Variants in KIRREL3 observed in about 807,000 individuals in gnomAD.
The protein encoded by KIRREL3 is kin of IRRE-like protein 3.
KIRREL3 carries 36 observed loss-of-function variants against 89.7 expected under a neutral mutation model. The observed-to-expected ratio is 0.40, with a 90% CI of 0.31 to 0.53. KIRREL3 has a LOEUF of 0.53. Ranked by LOEUF, KIRREL3 falls within the 20% of genes least tolerant of loss-of-function variation. The pLI, the probability that KIRREL3 is intolerant of heterozygous loss-of-function variation, is 0.49. For missense variants in KIRREL3, 864 were observed against 1,056.6 expected, an observed-to-expected ratio of 0.82 and a Z score of 2.53; for synonymous variants, 445 against 441.4, an observed-to-expected ratio of 1.01 and a Z score of -0.10.
chr11:126,865,403 C>A (rs1032213901), intron 1 of KIRREL3, among the ~76,000 whole-genome samples: 3 of 152,278 alleles, frequency 2.0e-5, no homozygotes, highest in Admixed American at 6.5e-5. Flanking sequence ...GTTTGCTGAG[C>A]GGGTCATTGA....
Position 126,578,391 on chromosome 11 carries a change from C to T in KIRREL3, c.56-15479G>A, listed in dbSNP as rs536190199. 1.1e-4 allele frequency among the ~76,000 whole-genome samples: 17 copies of T among 152,304 alleles called. No homozygotes were observed. The highest frequency in any genetic ancestry group is 4.1e-4 in the South Asian group (2 of 4,830). ...CATTGGAAGAGATCCTTGGTTCACA[C>T]GCTAGGAAAGAAAAGGGATGATCTT... On this transcript the variant is annotated intron_variant, in intron 1 of 16. Coordinates refer to ENST00000525144, the MANE Select transcript of KIRREL3 (RefSeq NM_032531.4). The surrounding 1 kb of genome is among the most constrained non-coding windows in gnomAD (Gnocchi z 4.9).
rs557258651 is a variant in KIRREL3, at chr11:126,654,521, G to A, written c.56-91609C>T. The stretch of plus-strand genomic sequence containing the variant: ...GGGGTTTCCATTGAGAAGAAACTAC[G>A]GGTAACAGTTAAAGAGGAAGAGCAT... On this transcript the variant is annotated intron_variant, in intron 1 of 16. Coordinates refer to ENST00000525144, the MANE Select transcript of KIRREL3 (RefSeq NM_032531.4). 6.6e-5 allele frequency among the ~76,000 whole-genome samples: 10 copies of A among 152,176 alleles called. No individual in the cohort carries two copies. In the South Asian group the frequency reaches 8.3e-4, roughly 13 times the overall value.
At chr11:126,702,354 C>T (rs1245628964) in intron 1 of KIRREL3, among the ~76,000 whole-genome samples, 1 of 152,174 alleles carries the variant, frequency 6.6e-6, no homozygotes, top group Non-Finnish European at 1.5e-5. Context: ...CTCCACAAAT[C>T]TATGACATCA....
At chr11:126,952,528 G>T (rs372934154) in intron 1 of KIRREL3, among the ~76,000 whole-genome samples, 1 of 152,088 alleles carries the variant, frequency 6.6e-6, no homozygotes, top group African/African-American at 2.4e-5. Flanking sequence ...CCATTTTTTA[G>T]GTTGTCTGTT....
rs1418600523 is a variant in KIRREL3 at position 126,900,405 on chromosome 11, G to A, written c.55+100050C>T. Reference sequence around the variant, plus strand: ...AAATAGAAATAACAAACACAAAAAAGAAAGCCTGCATGTTTATTGATAACA... The same window carrying A: ...AAATAGAAATAACAAACACAAAAAAAAAAGCCTGCATGTTTATTGATAACA... On this transcript the variant is annotated intron_variant, in intron 1 of 16. Transcript: ENST00000525144. The surrounding 1 kb of genome is among the most constrained non-coding windows in gnomAD (Gnocchi z 4.4). 6.6e-6 allele frequency among the ~76,000 whole-genome samples: 1 copy of A among 152,176 alleles called. No homozygotes were observed. Among genetic ancestry groups the A allele is most frequent in the African/African-American group, 2.4e-5 (1 of 41,442 alleles).
At chr11:126,960,373 G>A (rs908321060) in intron 1 of KIRREL3, among the ~76,000 whole-genome samples, 2 of 152,222 alleles carry the variant, frequency 1.3e-5, no homozygotes, top group South Asian at 2.1e-4. Flanking sequence ...ATATCCAGCC[G>A]AGGACACTGA....
At chr11:126,779,176 C>T (rs995527533) in intron 1 of KIRREL3, among the ~76,000 whole-genome samples, 6 of 152,170 alleles carry the variant, frequency 3.9e-5, no homozygotes, top group Non-Finnish European at 7.4e-5. Context: ...TTCAGGTGCT[C>T]CTCATTGTCC....
At chr11:126,923,224 TCTTCTTCTTCTTCTTCTTCTTC>T (rs1947501961) in intron 1 of KIRREL3, among the ~76,000 whole-genome samples, 1 of 34,758 alleles carries the variant, frequency 2.9e-5, no homozygotes, top group African/African-American at 1.4e-4. Flanking sequence ...TTCTTCTTCT[TCTTCTTCTTCTTCTTCTTCTTC>T]TTCTTCTTCT....
At chr11:126,935,332 A>T (rs1948139151) in intron 1 of KIRREL3, 1 of 151,950 alleles carries the variant, frequency 6.6e-6, no homozygotes, top group Non-Finnish European at 1.5e-5. Flanking sequence ...AAAAAAGAAA[A>T]GAAACATACT....
In KIRREL3 at chr11:126,601,883, C is replaced by T. The variant is rs905381807; in HGVS notation, c.56-38971G>A. ...GGTCTTGGCCTGAGAACCGTGCATA[C>T]GGGACAGCATGAGTTTTAGGAGACA... On this transcript the variant is annotated intron_variant, in intron 1 of 16. Coordinates refer to ENST00000525144, the MANE Select transcript of KIRREL3 (RefSeq NM_032531.4). This position sits in a 1 kb window ranked among gnomAD's most constrained non-coding sequence, Gnocchi z 5.8. Among the ~76,000 whole-genome samples, 4 of 152,198 alleles carry T rather than the reference C, an allele frequency of 2.6e-5. No homozygotes were observed. The highest frequency in any genetic ancestry group is 9.6e-5 in the African/African-American group (4 of 41,526).
chr11:126,787,434 A>T (rs1271755976), intron 1 of KIRREL3, among the ~76,000 whole-genome samples: 1 of 152,204 alleles, frequency 6.6e-6, no homozygotes, highest in African/African-American at 2.4e-5. Flanking sequence ...CAATATAAAC[A>T]TATCCCAAAT....
intron 1 of KIRREL3, among the ~76,000 whole-genome samples, chr11:126,583,560 T>C (rs1591775855): frequency 6.6e-6 from 1 of 152,328 alleles, no homozygotes; most frequent in South Asian, 2.1e-4. Flanking sequence ...CGGGATGCGC[T>C]GTGGAGTTAG....
intron 1 of KIRREL3, among the ~76,000 whole-genome samples, chr11:126,599,694 A>G (rs79133870): frequency 2.4e-3 from 372 of 152,294 alleles, no homozygotes; most frequent in Non-Finnish European, 4.5e-3. Flanking sequence ...AGAAGCTCTA[A>G]TCAGGCTTCT....
rs1201673027 is a variant in KIRREL3 at position 126,739,242 on chromosome 11, G to C, written c.56-176330C>G. Among the ~76,000 whole-genome samples, 1 of 152,214 alleles carries C rather than the reference G, an allele frequency of 6.6e-6. No individual in the cohort carries two copies. Among genetic ancestry groups the C allele is most frequent in the African/African-American group, 2.4e-5 (1 of 41,452 alleles). On this transcript the variant is annotated intron_variant, in intron 1 of 16. Transcript: ENST00000525144. The surrounding 1 kb of genome is among the most constrained non-coding windows in gnomAD (Gnocchi z 5.5). Reference sequence around the variant, plus strand: ...ATTTCTAGCCTTCTGCATATGACTTGCCCACAGAGCATTAGGTGATACTTA... The same window carrying C: ...ATTTCTAGCCTTCTGCATATGACTTCCCCACAGAGCATTAGGTGATACTTA...
At chr11:126,681,019 T>A (rs1483774894) in intron 1 of KIRREL3, among the ~76,000 whole-genome samples, 1 of 152,194 alleles carries the variant, frequency 6.6e-6, no homozygotes. Flanking sequence ...TGAAACCGGC[T>A]AAGGCAAATG....
chr11:126,835,155 A>G (rs143361467), intron 1 of KIRREL3, among the ~76,000 whole-genome samples: 14 of 152,342 alleles, frequency 9.2e-5, no homozygotes, highest in Admixed American at 9.1e-4. Context: ...CCCCATGCAG[A>G]AAACAATTCA....
chr11:126,444,837 C>T lies in KIRREL3; in HGVS notation c.1252+142G>A, dbSNP rs898394436. 6.2e-5 allele frequency: 68 copies of T among 1,104,524 alleles called. 1 individual carries two copies. Among genetic ancestry groups the T allele is most frequent in the Middle Eastern group, 6.1e-4 (2 of 3,292 alleles). 68.4% of individuals were successfully genotyped at this position (1,104,524 alleles called of 1,614,324 possible). A position where few individuals can be genotyped will look rare whatever the true frequency, so the allele number is the denominator to read the frequency against. On this transcript the variant is annotated intron_variant, in intron 10 of 16. Coordinates refer to ENST00000525144, the MANE Select transcript of KIRREL3 (RefSeq NM_032531.4). ...TCTGACGGGGAATCCAGGAGGTGGA[C>T]CTAATTGTTGTCTACCCATAGTTGG...
intron 1 of KIRREL3, among the ~76,000 whole-genome samples, chr11:126,584,161 C>T (rs1015862648): frequency 2.0e-5 from 3 of 152,134 alleles, no homozygotes; most frequent in Non-Finnish European, 4.4e-5. Context: ...AGCCAGGGCA[C>T]CCGATGAATT....
intron 1 of KIRREL3, among the ~76,000 whole-genome samples, chr11:126,657,022 A>C (rs1945171225): frequency 6.6e-6 from 1 of 151,972 alleles, no homozygotes; most frequent in African/African-American, 2.4e-5. Flanking sequence ...ACTGCACTCC[A>C]TCCAGCCTGG....
Sources: gnomAD v4.1 joint callset for allele counts (sites outside exome capture counted in the v4.1 genomes callset) on GRCh38, gnomAD v4.1.1 for gene constraint, Gnocchi (gnomAD v3.1) non-coding constraint, MANE v1.5 for transcripts, NCBI Gene and HGNC (gene_info 2026-07-23, HGNC 2026-07-21) for gene names.